MISFA: variants seen among roughly 807,000 people sequenced by gnomAD.
MISFA encodes mitochondrial sheath formation-associated protein.
chr11:18,602,506 AACAG>A, the MISFA span: 19 of 152,786 alleles, frequency 1.2e-4, no homozygotes, highest in East Asian at 3.9e-4. Flanking sequence ...GAAATGAGTA[AACAG>A]ACAGCCCATC....
chr11:18,601,549 A>G, the MISFA span: 1 of 396,024 alleles, frequency 2.5e-6, no homozygotes, highest in South Asian at 1.3e-4. Flanking sequence ...GCTGATCCTC[A>G]GGCACATGCC....
chr11:18,604,401 A>T, the MISFA span, among the ~76,000 whole-genome samples: 1 of 151,940 alleles, frequency 6.6e-6, no homozygotes, highest in African/African-American at 2.4e-5. Context: ...CACACGTGTG[A>T]TCTCAGCACT....
At chr11:18,602,779 G>A in the MISFA span, 1 of 215,184 alleles carries the variant, frequency 4.6e-6, no homozygotes, top group East Asian at 9.7e-5. Context: ...TATACTGCCA[G>A]CTAGGTCCAA....
the MISFA span, chr11:18,606,458 T>C: frequency 3.7e-5 from 6 of 163,274 alleles, no homozygotes; most frequent in Admixed American, 2.0e-4. Flanking sequence ...TGCAAAACTT[T>C]CACCTGTATA....
the MISFA span, chr11:18,607,746 TATA>T: frequency 1.3e-5 from 2 of 152,232 alleles, no homozygotes; most frequent in Non-Finnish European, 2.9e-5. Context: ...AGTGCTCTTT[TATA>T]ATGTTGACGC....
chr11:18,603,968 C>A, the MISFA span: 1 of 313,074 alleles, frequency 3.2e-6, no homozygotes, highest in African/African-American at 2.5e-5. Flanking sequence ...GCTGTGTCGC[C>A]CAGGCTGGAG....
At chr11:18,602,750 C>T in the MISFA span, 1 of 183,186 alleles carries the variant, frequency 5.5e-6, no homozygotes, top group Non-Finnish European at 1.1e-5. Context: ...AACATTTTGG[C>T]AGGTGACGAG....
the MISFA span, among the ~76,000 whole-genome samples, chr11:18,605,443 T>G: frequency 6.6e-6 from 1 of 152,172 alleles, no homozygotes; most frequent in Non-Finnish European, 1.5e-5. Context: ...GCAAAGCAGA[T>G]CTTTTGTTTA....
the MISFA span, chr11:18,607,615 T>G: frequency 2.6e-5 from 4 of 152,570 alleles, no homozygotes; most frequent in African/African-American, 9.7e-5. Context: ...TCTTCAAAGG[T>G]TTGTGAGCTT....
At chr11:18,602,878 C>G in the MISFA span, 1 of 359,932 alleles carries the variant, frequency 2.8e-6, no homozygotes, top group Non-Finnish European at 4.9e-6. Context: ...CCCATAGGTG[C>G]TCATGCTGAC....
At chr11:18,604,492 C>A in the MISFA span, among the ~76,000 whole-genome samples, 1 of 151,820 alleles carries the variant, frequency 6.6e-6, no homozygotes, top group Non-Finnish European at 1.5e-5. Flanking sequence ...CCCGTCTCTA[C>A]TAAAAATACA....
the MISFA span, chr11:18,599,914 G>C: frequency 2.5e-6 from 1 of 399,034 alleles, no homozygotes; most frequent in East Asian, 3.6e-5. Context: ...CTTAGAAATT[G>C]TTTTACGTTT....
At chr11:18,602,258 C>T in the MISFA span, 19 of 152,086 alleles carry the variant, frequency 1.2e-4, no homozygotes, top group African/African-American at 4.3e-4. Flanking sequence ...AAACTTAACT[C>T]GGAGAGTTTT....
chr11:18,603,950 A>G, the MISFA span: 16 of 251,342 alleles, frequency 6.4e-5, no homozygotes, highest in African/African-American at 3.2e-4. Flanking sequence ...TTTTTGAGAC[A>G]GAGTCTCGCT....
the MISFA span, chr11:18,603,046 CAG>C: frequency 2.5e-6 from 1 of 398,404 alleles, no homozygotes; most frequent in Admixed American, 4.4e-5. Context: ...TCCTACGACT[CAG>C]GGAATAGAAC....
chr11:18,609,019 C>T, the MISFA span: 2 of 152,042 alleles, frequency 1.3e-5, no homozygotes, highest in Admixed American at 6.6e-5. Context: ...ATGTTACTTC[C>T]TTATTTTATA....
chr11:18,606,593 C>A, the MISFA span: 2 of 310,176 alleles, frequency 6.4e-6, no homozygotes, highest in Non-Finnish European at 1.2e-5. Context: ...CCAAAGAAAT[C>A]TCTATCTCAC....
the MISFA span, chr11:18,601,921 T>G: frequency 6.0e-6 from 1 of 165,662 alleles, no homozygotes; most frequent in Admixed American, 6.4e-5. Flanking sequence ...ATGTAAAGCA[T>G]TTAATGCAAA....
chr11:18,604,178 G>A, the MISFA span, among the ~76,000 whole-genome samples: 136 of 151,820 alleles, frequency 9.0e-4, no homozygotes, highest in Middle Eastern at 0.014. Flanking sequence ...TGCCCGCCTC[G>A]GCCTCCCAAA....
Sources: allele counts gnomAD v4.1 joint callset (sites outside exome capture counted in the v4.1 genomes callset), GRCh38; gene constraint gnomAD v4.1.1; transcripts MANE v1.5; gene names NCBI Gene and HGNC (gene_info 2026-07-23, HGNC 2026-07-21).